The following STT3B variants were observed in gnomAD, a reference collection of about 807,000 sequenced individuals.
The protein encoded by STT3B is STT3 oligosaccharyltransferase complex catalytic subunit B, also known as dolichyl-diphosphooligosaccharide--protein glycosyltransferase subunit STT3B.
Under a neutral mutation model 96.8 loss-of-function variants are expected in STT3B, and 29 were observed. That is an observed-to-expected ratio of 0.30 (90% CI 0.22 to 0.41). STT3B has a LOEUF of 0.41. STT3B is among the 10% of genes least tolerant of loss of function. The pLI, the probability that STT3B is intolerant of heterozygous loss-of-function variation, is 1.00. For missense variants in STT3B, 640 were observed against 1,022.3 expected, an observed-to-expected ratio of 0.63 and a Z score of 5.10; for synonymous variants, 367 against 360.0, an observed-to-expected ratio of 1.02 and a Z score of -0.22.
chr3:31,543,002 G>T (rs1697315887), intron 1 of STT3B, among the ~76,000 whole-genome samples: 2 of 145,502 alleles, frequency 1.4e-5, no homozygotes, highest in South Asian at 4.3e-4. Flanking sequence ...GGTGGCAGAG[G>T]TTGCAGTGAG....
At chr3:31,583,502 TTATAG>T (rs1182761701) in intron 3 of STT3B, among the ~76,000 whole-genome samples, 3 of 152,114 alleles carry the variant, frequency 2.0e-5, no homozygotes, top group Non-Finnish European at 4.4e-5. Context: ...GTTTTGAATT[TTATAG>T]AGTTAAAGTC....
intron 13 of STT3B, among the ~76,000 whole-genome samples, chr3:31,628,721 T>A (rs1413483256): frequency 6.6e-6 from 1 of 152,150 alleles, no homozygotes; most frequent in Non-Finnish European, 1.5e-5. Context: ...GCTAGAACAC[T>A]TAAGAAAACT....
chr3:31,564,040 A>G (rs1697942516), intron 1 of STT3B, among the ~76,000 whole-genome samples: 1 of 152,190 alleles, frequency 6.6e-6, no homozygotes, highest in African/African-American at 2.4e-5. Flanking sequence ...CCGGGACCCA[A>G]ACAGCATTGA....
At chr3:31,575,976 T>G (rs893908620) in intron 1 of STT3B, among the ~76,000 whole-genome samples, 1 of 152,112 alleles carries the variant, frequency 6.6e-6, no homozygotes, top group Admixed American at 6.6e-5. Context: ...GCTGCTATGG[T>G]TTATTCTCTT....
chr3:31,612,667 A>T (rs996146138), intron 5 of STT3B, among the ~76,000 whole-genome samples: 1 of 152,178 alleles, frequency 6.6e-6, no homozygotes, highest in Non-Finnish European at 1.5e-5. Context: ...ATGATAGTAA[A>T]TATCTCTGAG....
chr3:31,567,746 G>A (rs1698038477), intron 1 of STT3B, among the ~76,000 whole-genome samples: 2 of 151,830 alleles, frequency 1.3e-5, no homozygotes, highest in South Asian at 4.2e-4. Flanking sequence ...ATCTATTTAT[G>A]GGTTATATGT....
intron 4 of STT3B, among the ~76,000 whole-genome samples, chr3:31,599,847 T>C (rs1037771103): frequency 2.6e-5 from 4 of 152,134 alleles, no homozygotes; most frequent in African/African-American, 9.7e-5. Context: ...AAGAAAAAAA[T>C]TCATGCCCAA....
chr3:31,562,675 G>GCT (rs1350204911), intron 1 of STT3B, among the ~76,000 whole-genome samples: 1 of 152,158 alleles, frequency 6.6e-6, no homozygotes, highest in African/African-American at 2.4e-5. Context: ...TCCTGCCTTG[G>GCT]CTCTGCAGCA....
In STT3B at chr3:31,632,952, C is replaced by T. The variant is rs771889835; in HGVS notation, c.2205C>T (p.Pro735=). 6.2e-7 allele frequency: 1 copy of T among 1,613,864 alleles called. No homozygotes were observed. The highest frequency in any genetic ancestry group is 1.1e-5 in the South Asian group (1 of 91,022). The change falls in exon 15 of 16, where the codon CCC becomes CCT. Residue 735 remains proline, a synonymous_variant. Transcript: ENST00000295770. ...FGEMQLDFRT[P]PGFDRTRNAE... ...TTTTGCAGCTGGATTTTCGTACACC[C>T]CCAGGTTTTGACCGAACACGTAATG...
rs931839756 is a variant in STT3B, at chr3:31,533,420, C to G, written c.314+108C>G. ...CTTGGCCCCGCGCCGCCGCGGAGCC[C>G]CGCTCGCGTCCTGGCTGAGGCCGGC... On this transcript the variant is annotated intron_variant, in intron 1 of 15. Transcript: ENST00000295770. The G allele has an allele frequency of 1.0e-5, 13 of 1,257,906 alleles. No homozygotes were observed. The African/African-American group carries it at 1.6e-4, about 15-fold the overall frequency. The allele number at this position is 1,257,906 out of a possible 1,614,324, so 77.9% of individuals were successfully genotyped here.
At chr3:31,628,662 T>G (rs535926858) in intron 13 of STT3B, among the ~76,000 whole-genome samples, 1 of 152,168 alleles carries the variant, frequency 6.6e-6, no homozygotes, top group Admixed American at 6.6e-5. Flanking sequence ...CTTTTTAACA[T>G]TGTCCTCCCC....
chr3:31,542,703 T>C (rs1477480788), intron 1 of STT3B, among the ~76,000 whole-genome samples: 1 of 152,210 alleles, frequency 6.6e-6, no homozygotes, highest in Admixed American at 6.5e-5. Flanking sequence ...AAGCTATTTT[T>C]AACGCCTCTA....
chr3:31,607,447 G>A (rs1699077904), intron 5 of STT3B, among the ~76,000 whole-genome samples: 1 of 152,122 alleles, frequency 6.6e-6, no homozygotes, highest in Admixed American at 6.5e-5. Context: ...TGTTCTCCTG[G>A]TGGTGCATAA....
intron 1 of STT3B, among the ~76,000 whole-genome samples, chr3:31,557,761 T>C (rs1697755787): frequency 6.6e-6 from 1 of 152,120 alleles, no homozygotes; most frequent in Non-Finnish European, 1.5e-5. Context: ...GCCTCCCGAG[T>C]AGCTGGGACC....
chr3:31,611,177 C>T (rs538876387), intron 5 of STT3B, among the ~76,000 whole-genome samples: 1 of 152,198 alleles, frequency 6.6e-6, no homozygotes, highest in African/African-American at 2.4e-5. Context: ...AGAACAGTAC[C>T]AGACATTAAT....
chr3:31,621,601 A>C (rs1002362779), intron 9 of STT3B, among the ~76,000 whole-genome samples: 4 of 152,218 alleles, frequency 2.6e-5, no homozygotes, highest in African/African-American at 9.6e-5. Flanking sequence ...TTTGTTTCAA[A>C]AATTTTTTTT....
intron 7 of STT3B, 64 bp from the exon 8 acceptor site, chr3:31,617,876 G>A (rs1559388372): frequency 1.8e-6 from 2 of 1,082,892 alleles, no homozygotes; most frequent in Non-Finnish European, 2.9e-6. Flanking sequence ...AAACATAAAG[G>A]CAATAAAAGA....
In STT3B at chr3:31,533,181, G is replaced by A. The variant is rs1261227169; in HGVS notation, c.183G>A (p.Gly61=). The change falls in exon 1 of 16, where the codon GGG becomes GGA. Residue 61 remains glycine (G), a synonymous_variant. Transcript: ENST00000295770. The stretch of plus-strand genomic sequence containing the variant: ...CGGCCCCGGCGGGGCTGTCCGGGGG[G>A]CTGTCGCAGCCGGCTGGGTGGCAGT... The part of the protein sequence containing the change: ...PKPAPAGLSG[G]LSQPAGWQSL... 3 of 1,419,378 alleles carry A rather than the reference G, an allele frequency of 2.1e-6. No individual in the cohort carries two copies. The highest frequency in any genetic ancestry group is 2.8e-6 in the Non-Finnish European group (3 of 1,076,482). The allele number at this position is 1,419,378 out of a possible 1,614,324, so 87.9% of individuals were successfully genotyped here.
chr3:31,551,282 C>T (rs1031608187), intron 1 of STT3B, among the ~76,000 whole-genome samples: 8 of 152,042 alleles, frequency 5.3e-5, no homozygotes, highest in African/African-American at 1.2e-4. Context: ...GTGGTGTCAT[C>T]TCGGCTCACT....
Sources: gnomAD v4.1 joint callset for allele counts (sites outside exome capture counted in the v4.1 genomes callset) on GRCh38, gnomAD v4.1.1 for gene constraint, MANE v1.5 for transcripts, NCBI Gene and HGNC (gene_info 2026-07-23, HGNC 2026-07-21) for gene names.